ZNF385D: variants seen among roughly 807,000 people sequenced by gnomAD.
ZNF385D encodes the protein zinc finger protein 659.
Under a neutral mutation model 35.8 loss-of-function variants are expected in ZNF385D, and 15 were observed. That is an observed-to-expected ratio of 0.42 (90% CI 0.28 to 0.64). ZNF385D has a LOEUF of 0.64. Ranked by LOEUF, ZNF385D falls within the 30% of genes least tolerant of loss-of-function variation. The pLI is 0.23. For synonymous variants in ZNF385D, 212 were observed against 186.8 expected (o/e 1.13, Z -1.10); for missense variants, 474 against 494.6 (o/e 0.96, Z 0.39).
In ZNF385D at chr3:22,264,006, C is replaced by T. The variant is rs145157612; in HGVS notation, c.107-94971G>A. On this transcript the variant is annotated intron_variant, in intron 2 of 5. Coordinates refer to the ZNF385D transcript ENST00000494108. ...CTTTCTTTCCCTGCTTATTGTCTAG[C>T]TGTCATAACTGTAGTCATGAGCAAT... Among the ~76,000 whole-genome samples the T allele has an allele frequency of 2.0e-3, 298 of 152,048 alleles. 1 individual carries two copies. The highest frequency in any genetic ancestry group is 2.3e-3 in the Non-Finnish European group (157 of 67,952).
At chr3:21,563,244 C>G (rs1298374253) in intron 3 of ZNF385D, 1 of 152,234 alleles carries the variant, frequency 6.6e-6, no homozygotes, top group African/African-American at 2.4e-5. Context: ...ATGTGGGAAC[C>G]AGAAAGCAGG....
At chr3:21,785,392 ATGTG>A (rs998649964) in intron 3 of ZNF385D, among the ~76,000 whole-genome samples, 1 of 152,134 alleles carries the variant, frequency 6.6e-6, no homozygotes, top group South Asian at 2.1e-4. Context: ...GTGTATATAT[ATGTG>A]TGTGTGAGAA....
intron 3 of ZNF385D, among the ~76,000 whole-genome samples, chr3:21,562,986 TA>T (rs2063009348): frequency 6.6e-6 from 1 of 152,204 alleles, no homozygotes; most frequent in African/African-American, 2.4e-5. Context: ...ATGTTTGGTA[TA>T]TTCTTTTTGG....
chr3:21,426,787 G>A (rs922044556), intron 5 of ZNF385D, among the ~76,000 whole-genome samples: 10 of 152,064 alleles, frequency 6.6e-5, no homozygotes, highest in African/African-American at 9.7e-5. Context: ...AAGGGCACTC[G>A]AGGTCACTGC....
chr3:22,366,465 T>G (rs1696661458), intron 2 of ZNF385D, among the ~76,000 whole-genome samples: 1 of 152,206 alleles, frequency 6.6e-6, no homozygotes, highest in Non-Finnish European at 1.5e-5. Flanking sequence ...GATTGCCCTG[T>G]ACATCTTTGA....
intron 4 of ZNF385D, among the ~76,000 whole-genome samples, chr3:21,451,949 TAAA>T (rs1702485128): frequency 6.6e-6 from 1 of 152,052 alleles, no homozygotes. Flanking sequence ...AGCTAAGTAT[TAAA>T]AATTGCATAG....
intron 3 of ZNF385D, among the ~76,000 whole-genome samples, chr3:21,552,902 A>G (rs2125603669): frequency 6.6e-6 from 1 of 152,354 alleles, no homozygotes; most frequent in East Asian, 1.9e-4. Context: ...ATTATCCTGA[A>G]TTACCCAGGT....
chr3:21,670,526 C>A (rs2066534212), intron 1 of ZNF385D, among the ~76,000 whole-genome samples: 1 of 151,376 alleles, frequency 6.6e-6, no homozygotes, highest in South Asian at 2.1e-4. Context: ...GAGAGGGACT[C>A]ACTATAGGAA....
chr3:22,237,842 C>G (rs370493608), intron 2 of ZNF385D, among the ~76,000 whole-genome samples: 1 of 142,680 alleles, frequency 7.0e-6, no homozygotes, highest in East Asian at 2.2e-4. Flanking sequence ...TGGGGTTTCA[C>G]CACATTCGCC....
At chr3:22,292,900 G>C (rs1441663184) in intron 2 of ZNF385D, among the ~76,000 whole-genome samples, 2 of 152,008 alleles carry the variant, frequency 1.3e-5, no homozygotes, top group African/African-American at 4.8e-5. Context: ...ATCTCCAAGA[G>C]AATGCATATT....
intron 2 of ZNF385D, among the ~76,000 whole-genome samples, chr3:22,189,468 T>C (rs754542066): frequency 3.9e-5 from 6 of 152,140 alleles, no homozygotes; most frequent in Non-Finnish European, 8.8e-5. Context: ...CTTATGACAA[T>C]TCATAGTATT....
intron 3 of ZNF385D, among the ~76,000 whole-genome samples, chr3:21,777,113 T>C (rs2071318822): frequency 6.6e-6 from 1 of 151,962 alleles, no homozygotes; most frequent in African/African-American, 2.4e-5. Flanking sequence ...CAGGCTTGAA[T>C]TTAATTACAT....
chr3:21,951,115 G>T (rs1023116216), intron 3 of ZNF385D, among the ~76,000 whole-genome samples: 10 of 151,592 alleles, frequency 6.6e-5, no homozygotes, highest in Non-Finnish European at 1.5e-4. Flanking sequence ...GGATAGCATT[G>T]AATCTATAAA....
At chr3:21,745,863 C>G (rs1344124549) in intron 1 of ZNF385D, among the ~76,000 whole-genome samples, 1 of 152,084 alleles carries the variant, frequency 6.6e-6, no homozygotes, top group East Asian at 1.9e-4. Flanking sequence ...TTTTTAAAAC[C>G]TCTAATGTAT....
chr3:21,687,519 A>T (rs1440534068), intron 1 of ZNF385D, among the ~76,000 whole-genome samples: 1 of 152,064 alleles, frequency 6.6e-6, no homozygotes, highest in East Asian at 1.9e-4. Flanking sequence ...TCCATTATCA[A>T]CATCCCCCAC....
chr3:21,743,894 A>C (rs2069637433), intron 1 of ZNF385D, among the ~76,000 whole-genome samples: 1 of 152,246 alleles, frequency 6.6e-6, no homozygotes. Flanking sequence ...GATTTCTGTT[A>C]TGAATTGTAA....
chr3:21,982,293 C>T (rs1348477588), intron 3 of ZNF385D, among the ~76,000 whole-genome samples: 2 of 151,772 alleles, frequency 1.3e-5, no homozygotes, highest in Non-Finnish European at 2.9e-5. Context: ...CTTGCACCTC[C>T]CTGGTTAGCT....
intron 3 of ZNF385D, among the ~76,000 whole-genome samples, chr3:21,930,542 GAAATA>G (rs1217311682): frequency 3.3e-5 from 5 of 151,948 alleles, no homozygotes; most frequent in Admixed American, 6.6e-5. Flanking sequence ...AAATAATTTT[GAAATA>G]AAATAAGAGA....
intron 2 of ZNF385D, among the ~76,000 whole-genome samples, chr3:22,247,794 G>A (rs1017032173): frequency 6.6e-6 from 1 of 151,642 alleles, no homozygotes; most frequent in Non-Finnish European, 1.5e-5. Context: ...TAGTAGAGAC[G>A]GGGTTTCACC....
Sources: gnomAD v4.1 joint callset for allele counts (sites outside exome capture counted in the v4.1 genomes callset) on GRCh38, gnomAD v4.1.1 for gene constraint, MANE v1.5 for transcripts, NCBI Gene and HGNC (gene_info 2026-07-23, HGNC 2026-07-21) for gene names.